The following HUNK variants were observed in gnomAD, a reference collection of about 807,000 sequenced individuals.
HUNK encodes hormonally up-regulated Neu-associated kinase, also known as hormonally up-regulated neu tumor-associated kinase.
A neutral mutation model predicts 61.0 loss-of-function variants in HUNK; 21 were observed. That is an observed-to-expected ratio of 0.34 (90% CI 0.24 to 0.50). The LOEUF (loss-of-function observed/expected upper bound fraction) is 0.50. Among genes scored for constraint, HUNK ranks in the 20% least tolerant of loss-of-function variants. HUNK has a pLI of 0.98. For synonymous variants in HUNK, 371 were observed against 386.1 expected, an observed-to-expected ratio of 0.96 and a Z score of 0.46; for missense variants, 772 against 945.7, an observed-to-expected ratio of 0.82 and a Z score of 2.41.
intron 1 of HUNK, among the ~76,000 whole-genome samples, chr21:31,875,183 C>T (rs1288428360): frequency 6.6e-6 from 1 of 152,156 alleles, no homozygotes; most frequent in African/African-American, 2.4e-5. Flanking sequence ...GACCTGGGGG[C>T]CTCTGCCCAG....
At chr21:31,965,430 G>A (rs1289985579) in intron 5 of HUNK, among the ~76,000 whole-genome samples, 2 of 151,322 alleles carry the variant, frequency 1.3e-5, no homozygotes, top group East Asian at 3.9e-4. Flanking sequence ...TAACAAACCT[G>A]CACATGTACC....
chr21:31,926,967 CTT>C (rs1466582481), intron 2 of HUNK, among the ~76,000 whole-genome samples: 2 of 150,688 alleles, frequency 1.3e-5, no homozygotes, highest in Admixed American at 6.6e-5. Context: ...TCTTTCTTTC[CTT>C]TTTCTTTCTT....
intron 1 of HUNK, among the ~76,000 whole-genome samples, chr21:31,875,104 G>A (rs780342972): frequency 2.0e-4 from 31 of 152,314 alleles, no homozygotes; most frequent in Middle Eastern, 3.4e-3. Flanking sequence ...GGCGTCAGCC[G>A]CAAGGAGGGA....
chr21:31,985,500 G>C (rs1266906502), intron 8 of HUNK, among the ~76,000 whole-genome samples: 4 of 152,178 alleles, frequency 2.6e-5, no homozygotes, highest in Non-Finnish European at 5.9e-5. Flanking sequence ...CTCAGGAGAG[G>C]GACTTGCCCC....
intron 2 of HUNK, among the ~76,000 whole-genome samples, chr21:31,938,871 G>C (rs550301319): frequency 6.6e-6 from 1 of 152,228 alleles, no homozygotes; most frequent in Non-Finnish European, 1.5e-5. Context: ...AATTGACCTA[G>C]ATGGTTTTGA....
chr21:31,963,001 G>A (rs1165558576), intron 5 of HUNK, among the ~76,000 whole-genome samples: 1 of 152,248 alleles, frequency 6.6e-6, no homozygotes, highest in Non-Finnish European at 1.5e-5. Context: ...GGTTCATAGA[G>A]TGAATGTCTT....
At chr21:31,935,750 G>A (rs1285490681) in intron 2 of HUNK, among the ~76,000 whole-genome samples, 1 of 151,910 alleles carries the variant, frequency 6.6e-6, no homozygotes, top group African/African-American at 2.4e-5. Context: ...CACCATTTTT[G>A]GCTCATCTTA....
chr21:31,977,614 G>A (rs961346392), intron 7 of HUNK, among the ~76,000 whole-genome samples: 2 of 152,142 alleles, frequency 1.3e-5, no homozygotes, highest in African/African-American at 4.8e-5. Context: ...TGTGATTCAC[G>A]CTCTTCTTAA....
chr21:31,875,390 G>T (rs8128071), intron 1 of HUNK, among the ~76,000 whole-genome samples: 21,006 of 152,142 alleles, frequency 0.14, 1,881 homozygotes, highest in African/African-American at 0.24. Context: ...GTGAGGCACC[G>T]CTTTATTATG....
At chr21:31,975,830 G>A (rs892114955) in intron 7 of HUNK, among the ~76,000 whole-genome samples, 42 of 152,172 alleles carry the variant, frequency 2.8e-4, no homozygotes, top group African/African-American at 2.9e-4. Context: ...ATTAATACCC[G>A]GAGGACAAGG....
chr21:31,886,375 G>A (rs965210818), intron 1 of HUNK, among the ~76,000 whole-genome samples: 28 of 149,272 alleles, frequency 1.9e-4, no homozygotes, highest in Admixed American at 8.0e-4. Flanking sequence ...GCAGCGAGCC[G>A]AGATTGCGCC....
In HUNK at chr21:31,897,913, C is replaced by T. The variant is rs547254725; in HGVS notation, c.261+23978C>T. The stretch of plus-strand genomic sequence containing the variant: ...TTCTATCTTTCCGAGATGCTCACCT[C>T]CTCCCCTGCCCTGGGATGCTCATCA... On this transcript the variant is annotated intron_variant, in intron 1 of 10. Coordinates refer to ENST00000270112, the MANE Select transcript of HUNK (RefSeq NM_014586.2). 2.0e-5 allele frequency among the ~76,000 whole-genome samples: 3 copies of T among 152,274 alleles called. No individual in the cohort carries two copies. In the South Asian group the frequency reaches 6.2e-4, roughly 32 times the overall value.
At chr21:31,980,379 C>CTTTT (rs35350096) in intron 7 of HUNK, among the ~76,000 whole-genome samples, 1 of 84,540 alleles carries the variant, frequency 1.2e-5, no homozygotes, top group Admixed American at 1.1e-4. Context: ...CTGTCTTCTT[C>CTTTT]TTTTTTTTTT....
intron 1 of HUNK, among the ~76,000 whole-genome samples, chr21:31,879,868 T>C (rs1039705843): frequency 6.6e-6 from 1 of 152,200 alleles, no homozygotes; most frequent in Non-Finnish European, 1.5e-5. Context: ...AGAGACCTGC[T>C]CTCTTGGCTA....
chr21:31,902,881 A>G (rs1345225205), intron 1 of HUNK, among the ~76,000 whole-genome samples: 1 of 152,248 alleles, frequency 6.6e-6, no homozygotes, highest in Non-Finnish European at 1.5e-5. Context: ...CTGCTTAATT[A>G]TAAGCTCTCA....
chr21:31,883,855 G>A (rs570431962), intron 1 of HUNK, among the ~76,000 whole-genome samples: 22 of 152,268 alleles, frequency 1.4e-4, no homozygotes, highest in African/African-American at 5.3e-4. Flanking sequence ...GAGGGTTTGG[G>A]TCACCTTGGT....
intron 7 of HUNK, among the ~76,000 whole-genome samples, chr21:31,975,680 G>A (rs747792554): frequency 4.6e-5 from 7 of 152,162 alleles, no homozygotes; most frequent in East Asian, 1.9e-4. Flanking sequence ...TTGAAGTCAC[G>A]TGATAGCCCA....
chr21:31,910,196 T>C (rs745483876), intron 1 of HUNK, among the ~76,000 whole-genome samples: 15 of 152,136 alleles, frequency 9.9e-5, no homozygotes, highest in Non-Finnish European at 2.2e-4. Flanking sequence ...ACAACAGACA[T>C]TGATGTTGTC....
At chr21:31,917,835 T>G (rs1301430821) in intron 1 of HUNK, among the ~76,000 whole-genome samples, 2 of 151,750 alleles carry the variant, frequency 1.3e-5, no homozygotes, top group Non-Finnish European at 2.9e-5. Flanking sequence ...ACCTGCAGCG[T>G]TGGTAAGAGC....
Sources: allele counts gnomAD v4.1 joint callset (sites outside exome capture counted in the v4.1 genomes callset), GRCh38; gene constraint gnomAD v4.1.1; transcripts MANE v1.5; gene names NCBI Gene and HGNC (gene_info 2026-07-23, HGNC 2026-07-21).